Variants in MCTP2 observed in about 807,000 individuals in gnomAD.
MCTP2 encodes the protein multiple C2 and transmembrane domain-containing protein 2.
In MCTP2, 132 loss-of-function variants were observed where a neutral mutation model predicts 111.6. The observed-to-expected ratio is 1.18, with a 90% CI of 1.03 to 1.37. The LOEUF (loss-of-function observed/expected upper bound fraction) is 1.37, where lower values mean the gene tolerates loss of function less well. MCTP2 is among the 40% of genes most tolerant of loss of function. The pLI is 0.00. For missense variants in MCTP2, 1,183 were observed against 1,067.9 expected, an observed-to-expected ratio of 1.11 and a Z score of -1.50; for synonymous variants, 395 against 387.7, an observed-to-expected ratio of 1.02 and a Z score of -0.22.
intron 10 of MCTP2, among the ~76,000 whole-genome samples, chr15:94,364,204 A>T (rs912068786): frequency 1.1e-4 from 17 of 151,844 alleles, no homozygotes; most frequent in Non-Finnish European, 2.1e-4. Context: ...TTGGGAAAAA[A>T]CCTTCATTTG....
In MCTP2 at chr15:94,239,128, G is replaced by A. The variant is rs118005776; in HGVS notation, c.-66+7464G>A. Among the ~76,000 whole-genome samples, 434 of 152,170 alleles carry A rather than the reference G, an allele frequency of 2.9e-3. 3 individuals carry two copies. The highest frequency in any genetic ancestry group is 4.2e-3 in the Non-Finnish European group (284 of 67,992). On this transcript the variant is annotated intron_variant, in intron 1 of 22. Coordinates refer to ENST00000357742, the MANE Select transcript of MCTP2 (RefSeq NM_001385001.1). ...CTTACTTTTTTTAAGGTGGTGGTTG[G>A]GGAACTACTTTTAGCATTATGAAGC...
chr15:94,240,044 A>C (rs2070828738), intron 1 of MCTP2, among the ~76,000 whole-genome samples: 1 of 150,400 alleles, frequency 6.6e-6, no homozygotes, highest in African/African-American at 2.5e-5. Flanking sequence ...TTCAGTTGTC[A>C]GGCTGTGCCT....
At chr15:94,383,924 C>G in intron 12 of MCTP2, 98 bp from the exon 13 acceptor site, 1 of 878,140 alleles carries the variant, frequency 1.1e-6, no homozygotes, top group Non-Finnish European at 1.8e-6. Flanking sequence ...TGCCTTCCCT[C>G]TTTCAGCAAG....
intron 2 of MCTP2, among the ~76,000 whole-genome samples, chr15:94,306,302 G>A (rs75569297): frequency 1.3e-5 from 2 of 152,124 alleles, no homozygotes; most frequent in African/African-American, 2.4e-5. Flanking sequence ...AGTGCTTACT[G>A]CCATGATTTT....
chr15:94,241,575 C>G (rs899845452), intron 1 of MCTP2, among the ~76,000 whole-genome samples: 28 of 152,036 alleles, frequency 1.8e-4, no homozygotes, highest in Non-Finnish European at 7.4e-5. Flanking sequence ...ATTATTGTTG[C>G]TTTTTAAAGT....
chr15:94,313,506 G>A (rs2076240597), intron 2 of MCTP2, among the ~76,000 whole-genome samples: 1 of 152,076 alleles, frequency 6.6e-6, no homozygotes, highest in African/African-American at 2.4e-5. Context: ...TCCGAGACCA[G>A]CCTGGCCAAT....
At chr15:94,330,637 T>C (rs2077089665) in intron 4 of MCTP2, among the ~76,000 whole-genome samples, 1 of 152,198 alleles carries the variant, frequency 6.6e-6, no homozygotes, top group South Asian at 2.1e-4. Flanking sequence ...CCCTCGTTTT[T>C]TGGTGTTACA....
intron 18 of MCTP2, among the ~76,000 whole-genome samples, chr15:94,440,619 C>G (rs1006733862): frequency 6.6e-6 from 1 of 152,176 alleles, no homozygotes; most frequent in African/African-American, 2.4e-5. Context: ...CAGTCACTAG[C>G]GAGAAACCTT....
chr15:94,378,136 G>A (rs2079882804), intron 12 of MCTP2, among the ~76,000 whole-genome samples: 1 of 152,130 alleles, frequency 6.6e-6, no homozygotes, highest in Non-Finnish European at 1.5e-5. Context: ...ATTTTGAGAG[G>A]AGAATGAAAA....
chr15:94,451,077 T>A (rs1303892814), intron 19 of MCTP2, among the ~76,000 whole-genome samples: 1 of 152,210 alleles, frequency 6.6e-6, no homozygotes, highest in Non-Finnish European at 1.5e-5. Flanking sequence ...TTTTCTTTTT[T>A]AAAAAAGAAC....
intron 20 of MCTP2, among the ~76,000 whole-genome samples, chr15:94,467,425 TAATC>T (rs2073463886): frequency 3.7e-5 from 1 of 27,380 alleles, no homozygotes; most frequent in Non-Finnish European, 7.8e-5. Context: ...TTTATTATAA[TAATC>T]AAATATGACC....
At chr15:94,341,435 A>G (rs2077634846) in intron 7 of MCTP2, 1 of 152,368 alleles carries the variant, frequency 6.6e-6, no homozygotes, top group Admixed American at 6.5e-5. Context: ...TTCTAAGGCT[A>G]TATTAGAACA....
intron 1 of MCTP2, among the ~76,000 whole-genome samples, chr15:94,269,606 A>G (rs1238469435): frequency 2.0e-5 from 3 of 152,216 alleles, no homozygotes; most frequent in South Asian, 2.1e-4. Flanking sequence ...AGGCTCCCAT[A>G]TATGTGATTA....
chr15:94,388,467 C>A (rs1270908793), intron 14 of MCTP2, among the ~76,000 whole-genome samples: 1 of 152,186 alleles, frequency 6.6e-6, no homozygotes, highest in Non-Finnish European at 1.5e-5. Flanking sequence ...TGAATTGATT[C>A]TCTATCTAAT....
chr15:94,244,842 A>C (rs886913287), intron 1 of MCTP2, among the ~76,000 whole-genome samples: 1 of 139,246 alleles, frequency 7.2e-6, no homozygotes, highest in African/African-American at 2.7e-5. Flanking sequence ...ATGTTTATAT[A>C]CGTATATGTA....
intron 8 of MCTP2, among the ~76,000 whole-genome samples, chr15:94,347,634 G>A (rs2078054398): frequency 2.6e-5 from 4 of 151,986 alleles, no homozygotes; most frequent in Admixed American, 2.6e-4. Flanking sequence ...TCATTTAATA[G>A]GGTTGAATTC....
chr15:94,429,258 C>A (rs993799919), intron 17 of MCTP2, among the ~76,000 whole-genome samples: 1 of 152,098 alleles, frequency 6.6e-6, no homozygotes, highest in Non-Finnish European at 1.5e-5. Context: ...AAAGGTAGTG[C>A]TCCAACTGTT....
At chr15:94,231,952 C>T (rs940682288) in intron 1 of MCTP2, 1 of 152,232 alleles carries the variant, frequency 6.6e-6, no homozygotes, top group East Asian at 1.9e-4. Flanking sequence ...CATTCAGTCT[C>T]CCCGGGGCGC....
intron 8 of MCTP2, 85 bp from the exon 9 acceptor site, chr15:94,356,052 C>A: frequency 7.1e-7 from 1 of 1,404,252 alleles, no homozygotes; most frequent in Non-Finnish European, 9.3e-7. Context: ...TAATTAAATA[C>A]TGAAAGTTGG....
Sources: gnomAD v4.1 joint callset for allele counts (sites outside exome capture counted in the v4.1 genomes callset) on GRCh38, gnomAD v4.1.1 for gene constraint, MANE v1.5 for transcripts, NCBI Gene and HGNC (gene_info 2026-07-23, HGNC 2026-07-21) for gene names.